LMO7: variants seen among roughly 807,000 people sequenced by gnomAD.
LMO7 encodes the protein LIM domain only protein 7.
In LMO7, 120 loss-of-function variants were observed where a neutral mutation model predicts 206.5. That is an observed-to-expected ratio of 0.58 (90% CI 0.50 to 0.68). The LOEUF is 0.68. Ranked by LOEUF, LMO7 falls within the 30% of genes least tolerant of loss-of-function variation. The pLI, the probability that LMO7 is intolerant of heterozygous loss-of-function variation, is 0.00. For synonymous variants in LMO7, 706 were observed against 681.5 expected, an observed-to-expected ratio of 1.04 and a Z score of -0.56; for missense variants, 1,959 against 1,957.9, an observed-to-expected ratio of 1.00 and a Z score of -0.01.
Position 75,857,907 on chromosome 13 carries a change from C to T in LMO7, c.4874-14C>T. 2 of 1,587,786 alleles carry T rather than the reference C, an allele frequency of 1.3e-6. No homozygotes were observed. Among genetic ancestry groups the T allele is most frequent in the South Asian group, 1.2e-5 (1 of 86,728 alleles). ...ATCTAAGCACTTTTCTTTCTTTTCT[C>T]CTTGCCCGATCAGCTGGACGGCCAA... On this transcript the variant is annotated splice_polypyrimidine_tract_variant and intron_variant, in intron 30 of 30. Coordinates refer to ENST00000377534, the MANE Select transcript of LMO7 (RefSeq NM_001306080.2).
At chr13:75,744,617 A>G (rs1049518675) in intron 3 of LMO7, among the ~76,000 whole-genome samples, 4 of 152,254 alleles carry the variant, frequency 2.6e-5, no homozygotes, top group Non-Finnish European at 5.9e-5. Flanking sequence ...TTGACAGGAA[A>G]TAGAATCCAA....
upstream of LMO7, among the ~76,000 whole-genome samples, chr13:75,634,615 CG>C (rs2138880860): frequency 6.6e-6 from 1 of 152,126 alleles, no homozygotes; most frequent in South Asian, 2.1e-4. Flanking sequence ...TGGTGACGGG[CG>C]CCTGTAGTCC....
At chr13:75,760,777 AT>A (rs1013404315) in intron 3 of LMO7, 154 bp from the exon 4 acceptor site, 8 of 1,539,092 alleles carry the variant, frequency 5.2e-6, no homozygotes, top group Admixed American at 2.0e-5. Context: ...AGCCCTATGT[AT>A]TTTTTTTCAA....
chr13:75,624,118 T>C (rs995318117), intron 2 of LMO7, among the ~76,000 whole-genome samples: 1 of 152,198 alleles, frequency 6.6e-6, no homozygotes, highest in South Asian at 2.1e-4. Flanking sequence ...TCTCCTCATC[T>C]ATGACAGACA....
rs144967710 is a variant in LMO7 at position 75,644,898 on chromosome 13, T to C, written c.69+8172T>C. The stretch of plus-strand genomic sequence containing the variant: ...CCTCCCACCTTGGCCTCCCAACCTG[T>C]TGGGATTACAGGTGTGAGCCACCAT... On this transcript the variant is annotated intron_variant, in intron 1 of 30. Coordinates refer to ENST00000377534, the MANE Select transcript of LMO7 (RefSeq NM_001306080.2). Among the ~76,000 whole-genome samples the C allele has an allele frequency of 9.9e-3, 1,504 of 152,312 alleles. 32 individuals carry two copies. Among genetic ancestry groups the C allele is most frequent in the African/African-American group, 0.034 (1,394 of 41,572 alleles).
chr13:75,762,842 G>A (rs116880726), intron 4 of LMO7, among the ~76,000 whole-genome samples: 2 of 152,216 alleles, frequency 1.3e-5, no homozygotes, highest in East Asian at 3.9e-4. Flanking sequence ...GGACCAAAAA[G>A]CAAAGGGGTT....
intron 3 of LMO7, among the ~76,000 whole-genome samples, chr13:75,733,029 C>A (rs1594610158): frequency 6.6e-6 from 1 of 152,148 alleles, no homozygotes; most frequent in Non-Finnish European, 1.5e-5. Context: ...GTCAGTCTGC[C>A]CCTACTGGGG....
intron 3 of LMO7, among the ~76,000 whole-genome samples, chr13:75,755,510 T>C (rs978877409): frequency 4.6e-5 from 7 of 152,166 alleles, no homozygotes; most frequent in Non-Finnish European, 1.0e-4. Flanking sequence ...TGAATCCTTC[T>C]TTCTCTTTGC....
In LMO7 at chr13:75,710,967, C is replaced by T. The variant is rs1382120345; in HGVS notation, c.70-2215C>T. ...AGATAGCTCTTATTATTTTGAGATA[C>T]GTCCCATCAATACCTAATTTATTGA... On this transcript the variant is annotated intron_variant, in intron 1 of 30. Coordinates refer to ENST00000377534, the MANE Select transcript of LMO7 (RefSeq NM_001306080.2). Among the ~76,000 whole-genome samples, 606 of 151,394 alleles carry T rather than the reference C, an allele frequency of 4.0e-3. 7 individuals are homozygous for T. Among genetic ancestry groups the T allele is most frequent in the African/African-American group, 0.013 (547 of 41,008 alleles).
rs1336860813 is a variant in LMO7, at chr13:75,808,145, A to C, written c.1862A>C (p.Glu621Ala). The change falls in exon 10 of 31, where the codon GAG (glutamate) becomes GCG (alanine). Residue 621 changes from glutamate (E) to alanine (A), a missense_variant. Physicochemically the swap from Glu to Ala is moderately radical, Grantham distance 107 (BLOSUM62 -1). Coordinates refer to ENST00000377534, the MANE Select transcript of LMO7 (RefSeq NM_001306080.2). Reference protein sequence around the residue: ...PCSEADLKRWEAIREASRLRH... With the variant: ...PCSEADLKRWAAIREASRLRH... ...AGTGAGGCTGACTTGAAGAGATGGG[A>C]GGCCATCCGGGAGGCCAGCAGACTT... 3 of 1,613,844 alleles carry C rather than the reference A, an allele frequency of 1.9e-6. No homozygotes were observed. Among genetic ancestry groups the C allele is most frequent in the East Asian group, 4.5e-5 (2 of 44,854 alleles).
intron 1 of LMO7, among the ~76,000 whole-genome samples, chr13:75,639,870 T>A (rs188951218): frequency 6.6e-6 from 1 of 152,282 alleles, no homozygotes; most frequent in East Asian, 1.9e-4. Context: ...CTTCCTGTTA[T>A]CTCTGGATTG....
chr13:75,804,797 A>G, intron 8 of LMO7: 1 of 1,133,676 alleles, frequency 8.8e-7, no homozygotes, highest in Non-Finnish European at 1.1e-6. Context: ...TTTTCAGCTT[A>G]CCAGATAATT....
chr13:75,813,973 T>C (rs1000407602), intron 11 of LMO7, among the ~76,000 whole-genome samples: 7 of 152,246 alleles, frequency 4.6e-5, no homozygotes, highest in Non-Finnish European at 1.0e-4. Flanking sequence ...GAGTCTGTCA[T>C]AGTATTAGTT....
intron 2 of LMO7, among the ~76,000 whole-genome samples, chr13:75,725,697 AG>A (rs1463756013): frequency 6.6e-6 from 1 of 152,068 alleles, no homozygotes; most frequent in African/African-American, 2.4e-5. Flanking sequence ...ATCAGAAATT[AG>A]GTATCATGGA....
Position 75,800,764 on chromosome 13 carries a change from A to C in LMO7, c.543A>C (p.Glu181Asp), listed in dbSNP as rs1478938112. The C allele has an allele frequency of 1.9e-6, 3 of 1,614,130 alleles. No individual in the cohort carries two copies. Among genetic ancestry groups the C allele is most frequent in the Non-Finnish European group, 2.5e-6 (3 of 1,179,992 alleles). Residue 181 changes from glutamate to aspartate, a missense_variant, in exon 7 of 31, where the codon GAA becomes GAC. Physicochemically the swap from Glu to Asp is conservative, Grantham distance 45. Coordinates refer to ENST00000377534, the MANE Select transcript of LMO7 (RefSeq NM_001306080.2). The stretch of plus-strand genomic sequence containing the variant: ...ACATCTGGTGTCCTGAACGTGGAGA[A>C]TTTCTTGCTCCTCCAAGGCACCATA... ...YGDIWCPERG[E>D]FLAPPRHHKR...
chr13:75,665,650 C>G (rs1215989818), intron 1 of LMO7, among the ~76,000 whole-genome samples: 1 of 152,120 alleles, frequency 6.6e-6, no homozygotes. Flanking sequence ...CCTCAGCCTC[C>G]CAAGTAGCTG....
chr13:75,685,852 A>C (rs1363394257), intron 1 of LMO7, among the ~76,000 whole-genome samples: 1 of 151,822 alleles, frequency 6.6e-6, no homozygotes, highest in Non-Finnish European at 1.5e-5. Flanking sequence ...AATGAAGACC[A>C]ATCAAACCAA....
chr13:75,804,585 A>T, intron 8 of LMO7, 44 bp downstream of exon 8: 1 of 1,582,868 alleles, frequency 6.3e-7, no homozygotes, highest in Non-Finnish European at 8.6e-7. Context: ...TGCTTTTCGA[A>T]TATGGTAGGA....
chr13:75,855,059 C>T (rs2060810573), intron 28 of LMO7: 1 of 500,918 alleles, frequency 2.0e-6, no homozygotes, highest in Non-Finnish European at 3.6e-6. Flanking sequence ...TCAAGGGTCT[C>T]AGAGCTGCCA....
Sources: gnomAD v4.1 joint callset for allele counts (sites outside exome capture counted in the v4.1 genomes callset) on GRCh38, gnomAD v4.1.1 for gene constraint, MANE v1.5 for transcripts, NCBI Gene and HGNC (gene_info 2026-07-23, HGNC 2026-07-21) for gene names.